The following VWF variants were observed in gnomAD, a reference collection of about 807,000 sequenced individuals.
VWF encodes the protein Factor VIII related antigen.
Under a neutral mutation model 308.6 loss-of-function variants are expected in VWF, and 176 were observed. The observed-to-expected ratio is 0.57, with a 90% CI of 0.50 to 0.65. VWF has a LOEUF of 0.65. Among genes scored for constraint, VWF ranks in the 30% least tolerant of loss-of-function variants. The probability of loss-of-function intolerance (pLI) is 0.00; values close to 1 mark genes in which losing one functional copy is unlikely to be tolerated. For synonymous variants in VWF, 1,385 were observed against 1,443.4 expected, an observed-to-expected ratio of 0.96 and a Z score of 0.92; for missense variants, 3,146 against 3,648.2, an observed-to-expected ratio of 0.86 and a Z score of 3.55.
rs1429645925 is a variant in VWF, at chr12:6,025,513, C to G, written c.3222+67G>C. 24 of 1,277,174 alleles carry G rather than the reference C, an allele frequency of 1.9e-5. 1 individual carries two copies. The highest frequency in any genetic ancestry group is 2.6e-5 in the Non-Finnish European group (23 of 882,706). The allele number at this position is 1,277,174 out of a possible 1,614,324, so 79.1% of individuals were successfully genotyped here. Reference sequence around the variant, plus strand: ...GTAGTGTCCACGTTAGAAGGTCACACTCTGTGTCCATACCACCAGGCCAAG... The same window carrying G: ...GTAGTGTCCACGTTAGAAGGTCACAGTCTGTGTCCATACCACCAGGCCAAG... On this transcript the variant is annotated intron_variant, in intron 24 of 51. Transcript: ENST00000261405.
chr12:6,022,095 A>C, intron 26 of VWF, 60 bp from the exon 27 acceptor site: 1 of 1,611,756 alleles, frequency 6.2e-7, no homozygotes, highest in Non-Finnish European at 8.5e-7. Flanking sequence ...AGGAAGCCTC[A>C]TTTTTAACTA....
intron 38 of VWF, among the ~76,000 whole-genome samples, chr12:5,987,093 A>G (rs1943688102): frequency 6.6e-6 from 1 of 151,960 alleles, no homozygotes; most frequent in African/African-American, 2.4e-5. Flanking sequence ...ATACCCAGCT[A>G]ATTTTTGTAT....
rs76092459 is a variant in VWF, at chr12:5,993,664, T to C, written c.6598+198A>G. Among the ~76,000 whole-genome samples the C allele has an allele frequency of 0.56, 80,638 of 143,464 alleles. 23,055 individuals carry two copies. The highest frequency in any genetic ancestry group is 0.73 in the East Asian group (3,473 of 4,756). The allele number at this position is 143,464 out of a possible 152,430, so 94.1% of individuals were successfully genotyped here. The stretch of plus-strand genomic sequence containing the variant: ...GTGTGTGTGTGTATATATATATATA[T>C]ACACACACACACATATACATATATG... On this transcript the variant is annotated intron_variant, in intron 37 of 51. Coordinates refer to ENST00000261405, the MANE Select transcript of VWF (RefSeq NM_000552.5).
chr12:6,053,495 G>A (rs2239161), intron 15 of VWF, among the ~76,000 whole-genome samples: 136,827 of 152,226 alleles, frequency 0.9, 61,656 homozygotes, highest in African/African-American at 0.94. Flanking sequence ...GGACACTCAT[G>A]CCTACCACAG....
chr12:6,085,871 C>T (rs187068644), intron 6 of VWF, among the ~76,000 whole-genome samples: 2 of 152,252 alleles, frequency 1.3e-5, no homozygotes, highest in Admixed American at 6.5e-5. Flanking sequence ...ACGTTCAGCA[C>T]ATGTATCCCA....
At chr12:6,123,980 G>A (rs1369009776) in intron 1 of VWF, among the ~76,000 whole-genome samples, 2 of 152,112 alleles carry the variant, frequency 1.3e-5, no homozygotes, top group Non-Finnish European at 2.9e-5. Flanking sequence ...GATTCACTGG[G>A]GGTGACTCCC....
At chr12:6,036,330 C>T in intron 19 of VWF, 58 bp downstream of exon 19, 5 of 1,526,332 alleles carry the variant, frequency 3.3e-6, no homozygotes, top group Non-Finnish European at 4.5e-6. Flanking sequence ...TGGCCGCGTG[C>T]ACCCTCACTC....
chr12:6,017,041 G>A (rs1944071207), intron 28 of VWF, among the ~76,000 whole-genome samples, 171 bp from the exon 29 acceptor site: 1 of 152,234 alleles, frequency 6.6e-6, no homozygotes, highest in African/African-American at 2.4e-5. Context: ...CAGGGAGGAG[G>A]GGATGGGGAG....
At chr12:6,033,488 T>G (rs1365952534) in intron 20 of VWF, among the ~76,000 whole-genome samples, 1 of 152,218 alleles carries the variant, frequency 6.6e-6, no homozygotes, top group Non-Finnish European at 1.5e-5. Context: ...TTTTCCTGGA[T>G]GTTCAGATTT....
At chr12:6,026,382 A>C (rs1459596444) in intron 22 of VWF, among the ~76,000 whole-genome samples, 1 of 152,178 alleles carries the variant, frequency 6.6e-6, no homozygotes, top group Non-Finnish European at 1.5e-5. Context: ...TGTCCCCAAC[A>C]AGCATAGAAG....
Position 6,020,058 on chromosome 12 carries a change from A to T in VWF, c.3675-315T>A, listed in dbSNP as rs1944113849. ...CCATCCACACAACCACTCAAAGCTG[A>T]TTTCTTTTCAACCTACATCTTTAGC... On this transcript the variant is annotated intron_variant, in intron 27 of 51. Transcript: ENST00000261405. This position sits in a 1 kb window ranked among gnomAD's most constrained non-coding sequence, Gnocchi z 4.3. Among the ~76,000 whole-genome samples the T allele has an allele frequency of 6.6e-6, 1 of 152,232 alleles. No homozygotes were observed. The highest frequency in any genetic ancestry group is 1.5e-5 in the Non-Finnish European group (1 of 68,040).
Position 6,110,401 on chromosome 12 carries a change from C to G in VWF, c.505G>C (p.Ala169Pro). ...TCTTGGGTCATAAAGTCATCTTCAG[C>G]AAAGATGTTAAAGTTGCCACACAGC... The part of the protein sequence containing the change: ...CGLCGNFNIF[A>P]EDDFMTQEGT... Residue 169 changes from alanine to proline, a missense_variant, in exon 5 of 52, where the codon GCT (alanine) becomes CCT (proline). Physicochemically the swap from Ala to Pro is conservative, Grantham distance 27. Around this residue, in one of 3 missense-constraint regions of VWF, gnomAD observed 1,304 missense variants for 1,353.0 expected, o/e 0.96. Coordinates refer to ENST00000261405, the MANE Select transcript of VWF (RefSeq NM_000552.5). 6.2e-7 allele frequency: 1 copy of G among 1,614,142 alleles called. No homozygotes were observed. The highest frequency in any genetic ancestry group is 8.5e-7 in the Non-Finnish European group (1 of 1,180,002).
chr12:6,008,289 G>T (rs1943952315), intron 34 of VWF, among the ~76,000 whole-genome samples: 1 of 151,990 alleles, frequency 6.6e-6, no homozygotes, highest in South Asian at 2.1e-4. Context: ...ACAGCAAACT[G>T]AATTAAACAG....
chr12:5,996,175 G>A lies in VWF; in HGVS notation c.5890C>T (p.Gln1964Ter). ...STRHIVTFDG[Q>*]NFKLTGSCSY... is the part of the protein sequence containing the mutation. ...CAGCTGCCAGTCAGCTTGAAATTCTGCCCATCAAAGGTCACGATGTGCCGA... is the reference window on the plus strand; with the variant it reads ...CAGCTGCCAGTCAGCTTGAAATTCTACCCATCAAAGGTCACGATGTGCCGA... Residue 1964 changes from glutamine to a stop codon, truncating the protein, a stop_gained, in exon 35 of 52, where the codon CAG becomes TAG. Transcript: ENST00000261405. LOFTEE classifies it high-confidence loss of function. The A allele has an allele frequency of 6.2e-7, 1 of 1,614,036 alleles. No homozygotes were observed. Among genetic ancestry groups the A allele is most frequent in the Non-Finnish European group, 8.5e-7 (1 of 1,180,010 alleles).
At chr12:6,116,121 G>T (rs907167996) in intron 3 of VWF, among the ~76,000 whole-genome samples, 1 of 152,074 alleles carries the variant, frequency 6.6e-6, no homozygotes, top group Non-Finnish European at 1.5e-5. Context: ...ATTAGAAATC[G>T]CCGGTGAGCC....
At chr12:6,068,691 A>G (rs1373023174) in intron 10 of VWF, among the ~76,000 whole-genome samples, 1 of 151,752 alleles carries the variant, frequency 6.6e-6, no homozygotes, top group East Asian at 1.9e-4. Context: ...GGGTTTCACC[A>G]TTGGCCAGGT....
chr12:5,985,757 G>C (rs1943673692), intron 38 of VWF, 92 bp from the exon 39 acceptor site: 4 of 1,238,444 alleles, frequency 3.2e-6, no homozygotes, highest in Admixed American at 3.9e-5. Context: ...CCTCCGGCAA[G>C]GGCCAGTCCC....
chr12:6,019,030 T>A lies in VWF; in HGVS notation c.4388A>T (p.Glu1463Val). 4 of 1,613,802 alleles carry A rather than the reference T, an allele frequency of 2.5e-6. No homozygotes were observed. The highest frequency in any genetic ancestry group is 3.4e-6 in the Non-Finnish European group (4 of 1,179,826). ...GGGGGGCAGAGTAGGAGGAGGGGCT[T>A]CAGGGGCAAGGTCACAGAGGTAGCT... ...IVSYLCDLAP[E>V]APPPTLPPDM... The change falls in exon 28 of 52, where the codon GAA becomes GTA. Residue 1463 changes from glutamate (E) to valine (V), a missense_variant. Physicochemically the swap from Glu to Val is moderately radical, Grantham distance 121 (BLOSUM62 -2). This residue lies in a region of VWF where 853 missense variants were observed against 1,177.8 expected (regional missense o/e 0.72). Transcript: ENST00000261405. This position sits in a 1 kb window ranked among gnomAD's most constrained non-coding sequence, Gnocchi z 5.8.
Position 5,949,774 on chromosome 12 carries a change from C to G in VWF, c.8253+12G>C, listed in dbSNP as rs1943158783. On this transcript the variant is annotated intron_variant, in intron 51 of 51. Transcript: ENST00000261405. ...CCTCCACACCCAGCCCTTATTGAAG[C>G]AGAGCCCTTACCTGGCAGTAGTGGA... 6.2e-7 allele frequency: 1 copy of G among 1,613,952 alleles called. No homozygotes were observed. Among genetic ancestry groups the G allele is most frequent in the Non-Finnish European group, 8.5e-7 (1 of 1,179,814 alleles).
Sources: gnomAD v4.1 joint callset for allele counts (sites outside exome capture counted in the v4.1 genomes callset) on GRCh38, gnomAD v4.1.1 for gene constraint, gnomAD v4.1.1 regional missense constraint, Gnocchi (gnomAD v3.1) non-coding constraint, MANE v1.5 for transcripts, NCBI Gene and HGNC (gene_info 2026-07-23, HGNC 2026-07-21) for gene names.